The following CATSPERB variants were observed in gnomAD, a reference collection of about 807,000 sequenced individuals.
The protein encoded by CATSPERB is catsper channel auxiliary subunit beta.
A neutral mutation model predicts 128.3 loss-of-function variants in CATSPERB; 93 were observed. That is an observed-to-expected ratio of 0.72 (90% CI 0.61 to 0.86). The LOEUF is 0.86. Ranked by LOEUF, CATSPERB falls within the 40% of genes least tolerant of loss-of-function variation. The pLI, the probability that CATSPERB is intolerant of heterozygous loss-of-function variation, is 0.00. For missense variants in CATSPERB, 1,153 were observed against 1,329.5 expected, an observed-to-expected ratio of 0.87 and a Z score of 2.06; for synonymous variants, 381 against 448.8, an observed-to-expected ratio of 0.85 and a Z score of 1.91.
chr14:91,675,531 T>C (rs1301331713), intron 11 of CATSPERB, among the ~76,000 whole-genome samples: 1 of 152,226 alleles, frequency 6.6e-6, no homozygotes, highest in Non-Finnish European at 1.5e-5. Context: ...TACATCATCT[T>C]TATCTGTGGC....
At chr14:91,593,174 C>T (rs929655031) in intron 22 of CATSPERB, among the ~76,000 whole-genome samples, 1 of 152,160 alleles carries the variant, frequency 6.6e-6, no homozygotes, top group Non-Finnish European at 1.5e-5. Context: ...AGGGGTGGGG[C>T]CTTTATGGAG....
At chr14:91,679,127 A>G (rs1021312786) in intron 11 of CATSPERB, among the ~76,000 whole-genome samples, 1 of 152,202 alleles carries the variant, frequency 6.6e-6, no homozygotes, top group Non-Finnish European at 1.5e-5. Context: ...ATGCTTATTT[A>G]GATGTCTGGG....
intron 13 of CATSPERB, 106 bp from the exon 14 acceptor site, chr14:91,670,078 C>A (rs1895061272): frequency 4.2e-6 from 4 of 956,760 alleles, no homozygotes; most frequent in East Asian, 2.4e-5. Flanking sequence ...ATCACTAACA[C>A]AACATAGAAC....
At chr14:91,603,436 G>A in intron 22 of CATSPERB, 1 of 1,574,558 alleles carries the variant, frequency 6.4e-7, no homozygotes, top group Middle Eastern at 2.2e-4. Flanking sequence ...CCAGCCATCA[G>A]AACTAGTTAT....
At chr14:91,638,951 G>T (rs957911737) in intron 16 of CATSPERB, 145 bp downstream of exon 16, 9 of 653,688 alleles carry the variant, frequency 1.4e-5, no homozygotes, top group African/African-American at 1.3e-4. Flanking sequence ...GCACATGGAG[G>T]TTCTTCCTTT....
At chr14:91,595,290 G>GTTTATTTA (rs138277074) in intron 22 of CATSPERB, among the ~76,000 whole-genome samples, 3 of 150,308 alleles carry the variant, frequency 2.0e-5, no homozygotes, top group East Asian at 3.9e-4. Flanking sequence ...CTCAGATAAG[G>GTTTATTTA]TTTATTTATT....
At chr14:91,637,205 G>A (rs1022396473) in intron 16 of CATSPERB, among the ~76,000 whole-genome samples, 1 of 152,106 alleles carries the variant, frequency 6.6e-6, no homozygotes, top group Non-Finnish European at 1.5e-5. Flanking sequence ...ATCCCCAAAG[G>A]GGCTGCTGGA....
intron 21 of CATSPERB, 149 bp from the exon 22 acceptor site, chr14:91,608,553 C>T: frequency 1.7e-6 from 1 of 605,666 alleles, no homozygotes. Flanking sequence ...AACTTTTCTA[C>T]CCCTCATTTT....
rs761250426 is a variant in CATSPERB, at chr14:91,624,784, C to G, written c.1930+36G>C. On this transcript the variant is annotated intron_variant, in intron 18 of 26. Coordinates refer to ENST00000256343, the MANE Select transcript of CATSPERB (RefSeq NM_024764.4). ...ACAAAAGATAATTTTTCATTTTTTT[C>G]TAGCCATCAGAGATGTATGATATTA... The G allele has an allele frequency of 8.5e-5, 120 of 1,405,604 alleles. 1 individual carries two copies. The highest frequency in any genetic ancestry group is 1.0e-4 in the Non-Finnish European group (107 of 1,053,214). 87.1% of individuals were successfully genotyped at this position (1,405,604 alleles called of 1,614,324 possible).
intron 5 of CATSPERB, among the ~76,000 whole-genome samples, chr14:91,712,123 CTCAAA>C (rs1182788648): frequency 1.3e-5 from 2 of 152,106 alleles, no homozygotes; most frequent in East Asian, 3.8e-4. Context: ...AAAAAGAAAT[CTCAAA>C]TCAATTACAG....
chr14:91,598,013 T>G (rs969844096), intron 22 of CATSPERB, among the ~76,000 whole-genome samples: 4 of 151,690 alleles, frequency 2.6e-5, no homozygotes, highest in African/African-American at 7.2e-5. Flanking sequence ...AATATATAAA[T>G]CCTCTTATTG....
At chr14:91,591,435 A>G (rs1404319457) in intron 23 of CATSPERB, among the ~76,000 whole-genome samples, 1 of 152,060 alleles carries the variant, frequency 6.6e-6, no homozygotes. Context: ...GCCTTCTCTT[A>G]ACCAACATAT....
At chr14:91,586,571 A>AGAGAAAG (rs374162982) in intron 26 of CATSPERB, among the ~76,000 whole-genome samples, 253 of 114,244 alleles carry the variant, frequency 2.2e-3, no homozygotes, top group Non-Finnish European at 3.2e-3. Flanking sequence ...GAGAGAGAGA[A>AGAGAAAG]AGAGAGAGAG....
intron 11 of CATSPERB, among the ~76,000 whole-genome samples, chr14:91,680,700 T>C (rs1895266080): frequency 6.6e-6 from 1 of 151,968 alleles, no homozygotes; most frequent in Non-Finnish European, 1.5e-5. Flanking sequence ...ACCCCAGCAT[T>C]AGTATGGGAC....
At chr14:91,620,495 C>CCCTTCCATCTTT (rs1894022847) in intron 19 of CATSPERB, among the ~76,000 whole-genome samples, 1 of 152,138 alleles carries the variant, frequency 6.6e-6, no homozygotes, top group Admixed American at 6.5e-5. Context: ...CCTACTCCCT[C>CCCTTCCATCTTT]CCTTCCATCT....
At chr14:91,588,478 T>A (rs1255480232) in intron 24 of CATSPERB, among the ~76,000 whole-genome samples, 1 of 152,128 alleles carries the variant, frequency 6.6e-6, no homozygotes, top group Non-Finnish European at 1.5e-5. Context: ...TCTCAGGACC[T>A]CCTTAGTGAT....
chr14:91,684,807 A>G (rs902224307), intron 10 of CATSPERB, among the ~76,000 whole-genome samples: 3 of 151,564 alleles, frequency 2.0e-5, no homozygotes, highest in African/African-American at 7.3e-5. Context: ...AGTAGAGACA[A>G]GGTTTCACCA....
chr14:91,676,128 C>T (rs868496455), intron 11 of CATSPERB, among the ~76,000 whole-genome samples: 2 of 152,144 alleles, frequency 1.3e-5, no homozygotes, highest in Non-Finnish European at 2.9e-5. Flanking sequence ...TATTGGTCAT[C>T]GCCAGTCATT....
rs1209154459 is a variant in CATSPERB, at chr14:91,581,082, G to A, written c.3158C>T (p.Pro1053Leu). 1 of 1,614,052 alleles carries A rather than the reference G, an allele frequency of 6.2e-7. No individual in the cohort carries two copies. The highest frequency in any genetic ancestry group is 1.7e-5 in the Admixed American group (1 of 60,012). Residue 1053 changes from proline (P) to leucine (L), a missense_variant, in exon 27 of 27, where the codon CCA (proline) becomes CTA (leucine). Physicochemically the swap from Pro to Leu is moderately conservative, Grantham distance 98. Coordinates refer to ENST00000256343, the MANE Select transcript of CATSPERB (RefSeq NM_024764.4). ...GGCAATAAGCGTGTGTCCTGGGAAT[G>A]GCAATGGTGCCTCATCAACATAAAT... ...FQIYVDEAPL[P>L]FPGHTLIAVA...
Sources: allele counts gnomAD v4.1 joint callset (sites outside exome capture counted in the v4.1 genomes callset), GRCh38; gene constraint gnomAD v4.1.1; transcripts MANE v1.5; gene names NCBI Gene and HGNC (gene_info 2026-07-23, HGNC 2026-07-21).